Variants in POLR3B observed in about 807,000 individuals in gnomAD.
The protein encoded by POLR3B is DNA-directed RNA polymerase III subunit RPC2.
In POLR3B, 96 loss-of-function variants were observed where a neutral mutation model predicts 147.4. The ratio of observed to expected loss-of-function variants is 0.65; its 90% CI spans 0.55 to 0.77. POLR3B has a LOEUF of 0.77. Among genes scored for constraint, POLR3B ranks in the 30% least tolerant of loss-of-function variants. The pLI is 0.00. For synonymous variants in POLR3B, 461 were observed against 485.9 expected, an observed-to-expected ratio of 0.95 and a Z score of 0.67; for missense variants, 1,036 against 1,413.5, an observed-to-expected ratio of 0.73 and a Z score of 4.28.
chr12:106,505,693 G>A (rs967618234), intron 27 of POLR3B, among the ~76,000 whole-genome samples: 4 of 152,140 alleles, frequency 2.6e-5, no homozygotes, highest in African/African-American at 9.7e-5. Context: ...CCTCCCCAGA[G>A]TGCCTTTTCT....
intron 23 of POLR3B, among the ~76,000 whole-genome samples, chr12:106,495,115 C>G (rs1470548526): frequency 6.6e-6 from 1 of 152,054 alleles, no homozygotes; most frequent in Non-Finnish European, 1.5e-5. Flanking sequence ...TTTTCTTAGT[C>G]CAATGACACT....
At chr12:106,442,326 C>G (rs2037663031) in intron 18 of POLR3B, among the ~76,000 whole-genome samples, 1 of 151,926 alleles carries the variant, frequency 6.6e-6, no homozygotes, top group South Asian at 2.1e-4. Flanking sequence ...GTAGTTTTTA[C>G]TTAGATGGAA....
intron 23 of POLR3B, among the ~76,000 whole-genome samples, chr12:106,479,095 A>G (rs1007183139): frequency 1.3e-5 from 2 of 151,944 alleles, no homozygotes; most frequent in Non-Finnish European, 1.5e-5. Flanking sequence ...GTGCTGGGCA[A>G]TTGGACACCG....
intron 1 of POLR3B, among the ~76,000 whole-genome samples, chr12:106,360,155 A>G (rs2036449565): frequency 6.6e-6 from 1 of 152,228 alleles, no homozygotes; most frequent in Admixed American, 6.5e-5. Flanking sequence ...CCTACCTGGC[A>G]CCTGACTTGT....
chr12:106,496,132 C>G lies in POLR3B; in HGVS notation c.2791C>G (p.Pro931Ala), dbSNP rs373101426. The change falls in exon 24 of 28, where the codon CCA (proline) becomes GCA (alanine). Residue 931 changes from proline to alanine, a missense_variant. Pro to Ala is a conservative substitution (Grantham distance 27). This residue lies in a region of POLR3B where 15 missense variants were observed against 38.1 expected (regional missense o/e 0.39). Transcript: ENST00000228347. ...SGICPDIIMN[P>A]HGFPSRMTVG... ...CATCTGTCCGGACATCATCATGAAC[C>G]CACACGGCTTCCCATCACGAATGAC... 2 of 1,608,572 alleles carry G rather than the reference C, an allele frequency of 1.2e-6. No homozygotes were observed. The highest frequency in any genetic ancestry group is 1.7e-6 in the Non-Finnish European group (2 of 1,174,914).
In POLR3B at chr12:106,457,069, C is replaced by G. The variant is rs565153553; in HGVS notation, c.2294-69C>G. ...TGAGGTGGAGTGGATTGTTGAGTAGCACAAATCCATATTTCCTTATAGCTT... is the reference window on the plus strand; with the variant it reads ...TGAGGTGGAGTGGATTGTTGAGTAGGACAAATCCATATTTCCTTATAGCTT... On this transcript the variant is annotated intron_variant, in intron 20 of 27. Coordinates refer to ENST00000228347, the MANE Select transcript of POLR3B (RefSeq NM_018082.6). 794 of 1,361,172 alleles carry G rather than the reference C, an allele frequency of 5.8e-4. 2 individuals are homozygous for G. Among genetic ancestry groups the G allele is most frequent in the Middle Eastern group, 1.1e-3 (6 of 5,436 alleles). 84.3% of individuals were successfully genotyped at this position (1,361,172 alleles called of 1,614,324 possible).
chr12:106,457,349 T>C, intron 21 of POLR3B, 53 bp downstream of exon 21: 2 of 1,429,720 alleles, frequency 1.4e-6, no homozygotes, highest in Middle Eastern at 1.8e-4. Flanking sequence ...TCATATGTTA[T>C]TCAATAATAT....
In POLR3B at chr12:106,357,750, C is replaced by A; in HGVS notation, c.-130C>A. 1 of 935,386 alleles carries A rather than the reference C, an allele frequency of 1.1e-6. No homozygotes were observed. Among genetic ancestry groups the A allele is most frequent in the Non-Finnish European group, 1.7e-6 (1 of 592,468 alleles). The allele number at this position is 935,386 out of a possible 1,614,324, so 57.9% of individuals were successfully genotyped here. A position where few individuals can be genotyped will look rare whatever the true frequency, so the allele number is the denominator to read the frequency against. On this transcript the variant is annotated 5_prime_UTR_variant, in exon 1 of 28. Transcript: ENST00000228347. ...AGCGGGCGGAACCTTTCTACCGCGT[C>A]TCTAGCTAACACGCACGGCGGGGAC...
At chr12:106,410,666 C>A in intron 11 of POLR3B, 160 bp from the exon 12 acceptor site, 1 of 690,192 alleles carries the variant, frequency 1.4e-6, no homozygotes, top group Non-Finnish European at 2.5e-6. Context: ...ATCATCTCAG[C>A]TCAGGAAATT....
chr12:106,492,560 A>G (rs993925926), intron 23 of POLR3B, among the ~76,000 whole-genome samples: 2 of 152,238 alleles, frequency 1.3e-5, no homozygotes, highest in Admixed American at 1.3e-4. Context: ...GAGTATGTTT[A>G]AAGACAACCA....
chr12:106,422,381 T>TG, intron 12 of POLR3B, among the ~76,000 whole-genome samples: 2 of 152,330 alleles, frequency 1.3e-5, no homozygotes, highest in East Asian at 3.9e-4. Flanking sequence ...ACTGAGCAGA[T>TG]GGCCAGCATC....
chr12:106,376,578 A>G, intron 7 of POLR3B, 128 bp downstream of exon 7: 1 of 729,188 alleles, frequency 1.4e-6, no homozygotes, highest in Admixed American at 2.0e-5. Flanking sequence ...TTCACAAAAC[A>G]CCCAGAAATT....
At chr12:106,472,639 T>C (rs200862909) in intron 23 of POLR3B, among the ~76,000 whole-genome samples, 37 of 147,678 alleles carry the variant, frequency 2.5e-4, no homozygotes, top group African/African-American at 8.0e-4. Flanking sequence ...TTTCATGTGT[T>C]TTTTGGCTGC....
At chr12:106,467,447 G>A (rs1393030934) in intron 23 of POLR3B, among the ~76,000 whole-genome samples, 2 of 151,930 alleles carry the variant, frequency 1.3e-5, no homozygotes, top group Non-Finnish European at 2.9e-5. Context: ...ACTTTATTGG[G>A]TTCTCTTGCC....
chr12:106,424,100 C>T (rs997980999), intron 12 of POLR3B, among the ~76,000 whole-genome samples: 3 of 152,112 alleles, frequency 2.0e-5, no homozygotes, highest in East Asian at 3.9e-4. Flanking sequence ...ATGATCCACC[C>T]GCCTCAGCCT....
chr12:106,371,454 A>T (rs1220641880), intron 6 of POLR3B, among the ~76,000 whole-genome samples: 131 of 134,948 alleles, frequency 9.7e-4, no homozygotes, highest in South Asian at 1.5e-3. Context: ...TACCCAAAGG[A>T]CTATAAATCA....
rs201079775 is a variant in POLR3B, at chr12:106,427,197, C to G, written c.1102C>G (p.Leu368Val). 7.1e-6 allele frequency: 9 copies of G among 1,270,972 alleles called. No individual in the cohort carries two copies. Among genetic ancestry groups the G allele is most frequent in the Middle Eastern group, 2.2e-4 (1 of 4,506 alleles). 78.7% of individuals were successfully genotyped at this position (1,270,972 alleles called of 1,614,324 possible). A position where few individuals can be genotyped will look rare whatever the true frequency, so the allele number is the denominator to read the frequency against. ...GNKRLELAGQLLSLLFEDLFK... is the reference protein window; with the variant it reads ...GNKRLELAGQVLSLLFEDLFK... ...CATATACCTTTTTTTTTTTTTTTAG[C>G]TTTTATCTCTTCTTTTTGAAGACTT... The change falls in exon 13 of 28, where the codon CTT becomes GTT. Residue 368 changes from leucine (L) to valine (V), a missense_variant and splice_region_variant. Coordinates refer to ENST00000228347, the MANE Select transcript of POLR3B (RefSeq NM_018082.6).
intron 12 of POLR3B, among the ~76,000 whole-genome samples, chr12:106,413,018 A>G (rs962652464): frequency 2.6e-5 from 4 of 152,102 alleles, no homozygotes; most frequent in African/African-American, 9.7e-5. Flanking sequence ...AGTTCTTGGT[A>G]TATTCTGGAT....
intron 20 of POLR3B, 63 bp downstream of exon 20, chr12:106,454,774 T>A: frequency 1.1e-6 from 1 of 870,058 alleles, no homozygotes; most frequent in Non-Finnish European, 2.0e-6. Context: ...TAGGGATGAT[T>A]AATGTAAAAA....
Sources: allele counts gnomAD v4.1 joint callset (sites outside exome capture counted in the v4.1 genomes callset), GRCh38; gene constraint gnomAD v4.1.1; regional missense constraint gnomAD v4.1.1; transcripts MANE v1.5; gene names NCBI Gene and HGNC (gene_info 2026-07-23, HGNC 2026-07-21).